NLRC3: variants seen among roughly 807,000 people sequenced by gnomAD.
The protein encoded by NLRC3 is NLR family CARD domain containing 3.
A neutral mutation model predicts 91.6 loss-of-function variants in NLRC3; 87 were observed. The ratio of observed to expected loss-of-function variants is 0.95; its 90% CI spans 0.80 to 1.14. The LOEUF (loss-of-function observed/expected upper bound fraction) is 1.14. NLRC3 is among the 50% of genes most tolerant of loss of function. NLRC3 has a pLI of 0.00. For synonymous variants in NLRC3, 694 were observed against 625.3 expected, an observed-to-expected ratio of 1.11 and a Z score of -1.64; for missense variants, 1,577 against 1,418.6, an observed-to-expected ratio of 1.11 and a Z score of -1.79.
intron 1 of NLRC3, among the ~76,000 whole-genome samples, chr16:3,573,147 A>G (rs539508222): frequency 2.0e-5 from 3 of 151,310 alleles, no homozygotes; most frequent in African/African-American, 2.4e-5. Context: ...GCTGGGCACC[A>G]TGGCTCACCC....
chr16:3,552,185 A>T lies in NLRC3; in HGVS notation c.2351+11T>A. 1 of 1,552,498 alleles carries T rather than the reference A, an allele frequency of 6.4e-7. No individual in the cohort carries two copies. Among genetic ancestry groups the T allele is most frequent in the Non-Finnish European group, 8.9e-7 (1 of 1,123,772 alleles). Reference sequence around the variant, plus strand: ...CTGAGGATACTAGTGTGGGCCTTTCATATGTCTCACATGAGCTCTTTCAGA... The same window carrying T: ...CTGAGGATACTAGTGTGGGCCTTTCTTATGTCTCACATGAGCTCTTTCAGA... On this transcript the variant is annotated intron_variant, in intron 10 of 19. Transcript: ENST00000359128.
chr16:3,539,706 A>T lies in NLRC3; in HGVS notation c.*2119T>A, dbSNP rs2038325659. On this transcript the variant is annotated 3_prime_UTR_variant, in exon 20 of 20. Transcript: ENST00000359128. ...CTGCCCCGCAAAAACTGTCATAAAT[A>T]CTGCAAGACCCATGTTCAGATTTCC... The T allele has an allele frequency of 2.6e-5, 4 of 152,202 alleles. No homozygotes were observed. The highest frequency in any genetic ancestry group is 2.0e-4 in the Admixed American group (3 of 15,280). The allele number at this position is 152,202 out of a possible 1,614,324, so 9.4% of individuals were successfully genotyped here.
intron 5 of NLRC3, among the ~76,000 whole-genome samples, chr16:3,562,633 TCC>T (rs1259182491): frequency 2.0e-5 from 3 of 151,194 alleles, no homozygotes; most frequent in Non-Finnish European, 4.4e-5. Flanking sequence ...AGAGCAAGAC[TCC>T]ATCTCAAAAA....
intron 8 of NLRC3, among the ~76,000 whole-genome samples, 171 bp from the exon 9 acceptor site, chr16:3,554,496 G>T (rs1451297514): frequency 6.6e-6 from 1 of 152,218 alleles, no homozygotes; most frequent in Non-Finnish European, 1.5e-5. Flanking sequence ...ACTGCCTGGG[G>T]CTTAGGTTTT....
At chr16:3,577,078 C>T (rs1285791597) in intron 1 of NLRC3, 71 bp downstream of exon 1, 1 of 702,792 alleles carries the variant, frequency 1.4e-6, no homozygotes, top group South Asian at 1.5e-5. Flanking sequence ...GGCCTTAAGG[C>T]CACTGTCCTT....
chr16:3,549,019 A>G, intron 13 of NLRC3, 123 bp downstream of exon 13: 1 of 786,550 alleles, frequency 1.3e-6, no homozygotes, highest in Non-Finnish European at 2.1e-6. Context: ...TCCTGGCTGC[A>G]CCCTCCCCAG....
chr16:3,576,368 C>T (rs2040292493), intron 1 of NLRC3, among the ~76,000 whole-genome samples: 1 of 152,206 alleles, frequency 6.6e-6, no homozygotes, highest in South Asian at 2.1e-4. Context: ...GGGGCGGCGC[C>T]TGCACCCTCC....
chr16:3,576,230 C>CCAA (rs1406924989), intron 1 of NLRC3, among the ~76,000 whole-genome samples: 1 of 152,214 alleles, frequency 6.6e-6, no homozygotes, highest in Non-Finnish European at 1.5e-5. Context: ...GACCCTGCAG[C>CCAA]CAACACCCAG....
intron 2 of NLRC3, among the ~76,000 whole-genome samples, chr16:3,565,861 G>A (rs1567150594): frequency 6.6e-6 from 1 of 151,600 alleles, no homozygotes; most frequent in Non-Finnish European, 1.5e-5. Flanking sequence ...GGGCAACATA[G>A]TGAGAACCCA....
In NLRC3 at chr16:3,550,552, G is replaced by A. The variant is rs1029719545; in HGVS notation, c.2352-55C>T. The A allele has an allele frequency of 6.0e-6, 8 of 1,323,552 alleles. No homozygotes were observed. In the African/African-American group the frequency reaches 1.0e-4, roughly 17 times the overall value. 82.0% of individuals were successfully genotyped at this position (1,323,552 alleles called of 1,614,324 possible). ...CCTCTGGGAGCTGCCAGGCAGGGCT[G>A]GGCAGAGGGATCAGAGTCAGGGAAG... On this transcript the variant is annotated intron_variant, in intron 10 of 19. Transcript: ENST00000359128.
At chr16:3,560,519 G>A (rs2039559265) in intron 6 of NLRC3, among the ~76,000 whole-genome samples, 1 of 151,992 alleles carries the variant, frequency 6.6e-6, no homozygotes, top group Admixed American at 6.5e-5. Context: ...CAGTCACATC[G>A]ATTCAACCAC....
intron 1 of NLRC3, among the ~76,000 whole-genome samples, chr16:3,575,415 G>C (rs1192068880): frequency 6.6e-6 from 1 of 152,220 alleles, no homozygotes; most frequent in East Asian, 1.9e-4. Context: ...TGTGAGCGCA[G>C]CTGAAAGACA....
At position 3,543,478 on chromosome 16, in the gene NLRC3, G is replaced by C; in HGVS notation, c.2886C>G (p.Gly962=). The C allele has an allele frequency of 6.2e-7, 1 of 1,613,096 alleles. No homozygotes were observed. Among genetic ancestry groups the C allele is most frequent in the Non-Finnish European group, 8.5e-7 (1 of 1,179,586 alleles). ...YLQVASIGAS[G]AQVLGEALAV... ...CCAAGGCTTCCCCTAGCACCTGGGC[G>C]CCTGAAGCACCAATTGAGGCCACCT... Residue 962 remains glycine, a synonymous_variant, in exon 17 of 20, where the codon GGC becomes GGG. Coordinates refer to ENST00000359128, the MANE Select transcript of NLRC3 (RefSeq NM_178844.4).
intron 5 of NLRC3, among the ~76,000 whole-genome samples, chr16:3,562,504 G>A (rs2039656316): frequency 6.6e-6 from 1 of 152,150 alleles, no homozygotes; most frequent in Non-Finnish European, 1.5e-5. Flanking sequence ...AGCCAGGCAT[G>A]ATGGCGGGCA....
chr16:3,565,097 C>A lies in NLRC3; in HGVS notation c.-24-37G>T, dbSNP rs756939505. The A allele has an allele frequency of 1.1e-5, 16 of 1,506,206 alleles. No individual in the cohort carries two copies. The East Asian group carries it at 2.1e-4, about 19-fold the overall frequency. The allele number at this position is 1,506,206 out of a possible 1,614,324, so 93.3% of individuals were successfully genotyped here. A position where few individuals can be genotyped will look rare whatever the true frequency, so the allele number is the denominator to read the frequency against. Reference sequence around the variant, plus strand: ...GGGCCTGAACCTGCTGCCTGCCGTGCCCCCCATCCAGCAGCCTGGGACAGG... The same window carrying A: ...GGGCCTGAACCTGCTGCCTGCCGTGACCCCCATCCAGCAGCCTGGGACAGG... On this transcript the variant is annotated intron_variant, in intron 3 of 19. Coordinates refer to ENST00000359128, the MANE Select transcript of NLRC3 (RefSeq NM_178844.4).
At position 3,564,789 on chromosome 16, in the gene NLRC3, G is replaced by A. The variant is rs780560121; in HGVS notation, c.179-31C>T. ...GGACAGAGGCCAGTGGGGAGGTCTG[G>A]TAAGGGAAGAGTGGGCACAATCAGC... On this transcript the variant is annotated intron_variant, in intron 4 of 19. Transcript: ENST00000359128. This position sits in a 1 kb window ranked among gnomAD's most constrained non-coding sequence, Gnocchi z 5.9. 4 of 1,566,910 alleles carry A rather than the reference G, an allele frequency of 2.6e-6. No individual in the cohort carries two copies. Among genetic ancestry groups the A allele is most frequent in the Non-Finnish European group, 2.6e-6 (3 of 1,159,394 alleles).
At chr16:3,565,264 G>A (rs571646955) in intron 3 of NLRC3, 55 bp downstream of exon 3, 10 of 691,678 alleles carry the variant, frequency 1.4e-5, no homozygotes, top group Non-Finnish European at 2.4e-5. Context: ...CGAATGCAGG[G>A]GCCCAGTGGA....
At chr16:3,542,955 G>A in intron 17 of NLRC3, 180 bp from the exon 18 acceptor site, 1 of 582,454 alleles carries the variant, frequency 1.7e-6, no homozygotes, top group South Asian at 2.1e-5. Flanking sequence ...TGGGAAGCAG[G>A]GCACACAGGG....
At chr16:3,548,407 C>T (rs142747193) in intron 14 of NLRC3, among the ~76,000 whole-genome samples, 189 bp from the exon 15 acceptor site, 6 of 152,280 alleles carry the variant, frequency 3.9e-5, no homozygotes, top group African/African-American at 1.2e-4. Flanking sequence ...GCCAGAGGGC[C>T]GGGGAATAAG....
Sources: gnomAD v4.1 joint callset for allele counts (sites outside exome capture counted in the v4.1 genomes callset) on GRCh38, gnomAD v4.1.1 for gene constraint, Gnocchi (gnomAD v3.1) non-coding constraint, MANE v1.5 for transcripts, NCBI Gene and HGNC (gene_info 2026-07-23, HGNC 2026-07-21) for gene names.